Variants in CAB39 observed in about 807,000 individuals in gnomAD.
The protein encoded by CAB39 is calcium-binding protein 39.
Under a neutral mutation model 40.0 loss-of-function variants are expected in CAB39, and 8 were observed. That is an observed-to-expected ratio of 0.20 (90% CI 0.12 to 0.36). The LOEUF (loss-of-function observed/expected upper bound fraction) is 0.36, where lower values mean the gene tolerates loss of function less well. Ranked by LOEUF, CAB39 falls within the 10% of genes least tolerant of loss-of-function variation. The pLI is 1.00. For missense variants in CAB39, 270 were observed against 401.1 expected (o/e 0.67, Z 2.79); for synonymous variants, 156 against 141.6 (o/e 1.10, Z -0.72).
At chr2:230,790,784 G>C in intron 2 of CAB39, 88 bp from the exon 3 acceptor site, 1 of 1,088,284 alleles carries the variant, frequency 9.2e-7, no homozygotes, top group East Asian at 2.4e-5. Flanking sequence ...GTAATATAGA[G>C]AGGTGATTTG....
intron 5 of CAB39, among the ~76,000 whole-genome samples, chr2:230,807,216 C>G (rs1228981253): frequency 3.9e-5 from 6 of 152,026 alleles, no homozygotes; most frequent in South Asian, 2.1e-4. Flanking sequence ...CACACACCCC[C>G]CTCCCACCCA....
intron 1 of CAB39, among the ~76,000 whole-genome samples, chr2:230,755,960 T>C (rs1254492433): frequency 1.3e-5 from 2 of 152,216 alleles, no homozygotes; most frequent in African/African-American, 2.4e-5. Flanking sequence ...CATGTGCCCA[T>C]GTGCTGCACA....
chr2:230,780,226 G>A (rs1000617494), intron 2 of CAB39, among the ~76,000 whole-genome samples: 21 of 152,234 alleles, frequency 1.4e-4, no homozygotes, highest in African/African-American at 4.8e-4. Flanking sequence ...GTGAAGAAAA[G>A]GCAAAAAGAT....
intron 8 of CAB39, chr2:230,818,122 A>G (rs914455297): frequency 1.4e-5 from 7 of 503,522 alleles, no homozygotes; most frequent in Admixed American, 1.2e-4. Context: ...GAAGAGTGTC[A>G]TTTATCTTTG....
intron 3 of CAB39, among the ~76,000 whole-genome samples, chr2:230,792,800 A>G (rs1410961771): frequency 2.0e-5 from 3 of 152,136 alleles, no homozygotes; most frequent in Non-Finnish European, 4.4e-5. Flanking sequence ...TCCTTCCATC[A>G]CTATGAAAGG....
At chr2:230,793,495 C>T (rs1254757520) in intron 4 of CAB39, among the ~76,000 whole-genome samples, 164 bp downstream of exon 4, 2 of 152,088 alleles carry the variant, frequency 1.3e-5, no homozygotes, top group East Asian at 3.8e-4. Context: ...AACTTGTGAG[C>T]TAAATTGAAT....
chr2:230,792,245 A>G (rs73995150), intron 3 of CAB39, among the ~76,000 whole-genome samples: 6,114 of 152,320 alleles, frequency 0.04, 425 homozygotes, highest in African/African-American at 0.14. Context: ...TTGGGGATGT[A>G]GTGGAACATC....
chr2:230,715,552 C>A (rs900599194), intron 1 of CAB39, among the ~76,000 whole-genome samples: 3 of 152,274 alleles, frequency 2.0e-5, no homozygotes, highest in Admixed American at 6.5e-5. Flanking sequence ...CTCCCCACTT[C>A]GCTCCTGAAA....
At chr2:230,780,353 A>G (rs980985196) in intron 2 of CAB39, among the ~76,000 whole-genome samples, 10 of 152,198 alleles carry the variant, frequency 6.6e-5, no homozygotes, top group African/African-American at 2.4e-4. Flanking sequence ...AAAAAATAAC[A>G]TTGGTATAAT....
At chr2:230,803,491 G>A (rs1696130092) in intron 5 of CAB39, among the ~76,000 whole-genome samples, 1 of 152,170 alleles carries the variant, frequency 6.6e-6, no homozygotes, top group African/African-American at 2.4e-5. Flanking sequence ...TGACATGATT[G>A]TATATTTAGA....
chr2:230,770,115 G>T (rs554997414), intron 2 of CAB39, among the ~76,000 whole-genome samples: 1 of 151,344 alleles, frequency 6.6e-6, no homozygotes, highest in South Asian at 2.1e-4. Context: ...TTAAAAACTA[G>T]AAAAACAAGA....
Position 230,803,537 on chromosome 2 carries a change from T to C in CAB39, c.567+4640T>C, listed in dbSNP as rs1696131043. 2.0e-5 allele frequency among the ~76,000 whole-genome samples: 3 copies of C among 152,224 alleles called. No homozygotes were observed. In the South Asian group the frequency reaches 6.2e-4, roughly 31 times the overall value. Reference sequence around the variant, plus strand: ...ATCTCAGCCCAAAATCTCCTTAAGCTGATAAGCAACTTCAGCAAAGTCTCA... The same window carrying C: ...ATCTCAGCCCAAAATCTCCTTAAGCCGATAAGCAACTTCAGCAAAGTCTCA... On this transcript the variant is annotated intron_variant, in intron 5 of 8. Coordinates refer to ENST00000258418, the MANE Select transcript of CAB39 (RefSeq NM_016289.4).
intron 2 of CAB39, among the ~76,000 whole-genome samples, chr2:230,770,714 G>A (rs1315711120): frequency 6.6e-6 from 1 of 152,118 alleles, no homozygotes; most frequent in African/African-American, 2.4e-5. Flanking sequence ...TTGAATAGTA[G>A]ACCAAGTGGG....
At position 230,741,386 on chromosome 2, in the gene CAB39, G is replaced by C. The variant is rs774979409; in HGVS notation, c.-43-18573G>C. 3.3e-5 allele frequency among the ~76,000 whole-genome samples: 5 copies of C among 152,306 alleles called. No homozygotes were observed. In the East Asian group the frequency reaches 9.6e-4, roughly 29 times the overall value. Reference sequence around the variant, plus strand: ...GACACAAGGATACAGGTCTACTTCAGAATATTCCTACCTGATACCCATGGA... The same window carrying C: ...GACACAAGGATACAGGTCTACTTCACAATATTCCTACCTGATACCCATGGA... On this transcript the variant is annotated intron_variant, in intron 1 of 8. Transcript: ENST00000258418.
At chr2:230,721,835 C>A (rs1223434758) in intron 1 of CAB39, among the ~76,000 whole-genome samples, 1 of 152,166 alleles carries the variant, frequency 6.6e-6, no homozygotes, top group Non-Finnish European at 1.5e-5. Context: ...ATATTTCCTT[C>A]CTTCAAGTTT....
At chr2:230,724,662 C>A (rs369343325) in intron 1 of CAB39, among the ~76,000 whole-genome samples, 1 of 80,802 alleles carries the variant, frequency 1.2e-5, no homozygotes, top group African/African-American at 5.1e-5. Context: ...GCCTGGGCAA[C>A]AAAGAGTGAA....
rs898041999 is a variant in CAB39 at position 230,819,744 on chromosome 2, C to T, written c.*1040C>T. On this transcript the variant is annotated 3_prime_UTR_variant, in exon 9 of 9. Coordinates refer to ENST00000258418, the MANE Select transcript of CAB39 (RefSeq NM_016289.4). ...AATAAGCTGCGATACAGCCCTGGAGCTCAGTCAGCCACACCTTCCTGCATC... is the reference window on the plus strand; with the variant it reads ...AATAAGCTGCGATACAGCCCTGGAGTTCAGTCAGCCACACCTTCCTGCATC... 2.0e-5 allele frequency: 3 copies of T among 152,250 alleles called. No homozygotes were observed. Among genetic ancestry groups the T allele is most frequent in the Admixed American group, 2.0e-4 (3 of 15,278 alleles). The allele number at this position is 152,250 out of a possible 1,614,324, so 9.4% of individuals were successfully genotyped here. A position where few individuals can be genotyped will look rare whatever the true frequency, so the allele number is the denominator to read the frequency against.
intron 1 of CAB39, among the ~76,000 whole-genome samples, chr2:230,719,394 T>G (rs1240473985): frequency 1.3e-5 from 2 of 152,224 alleles, no homozygotes; most frequent in African/African-American, 4.8e-5. Flanking sequence ...TTATTTTCCT[T>G]GCTGAGCAGT....
intron 1 of CAB39, among the ~76,000 whole-genome samples, chr2:230,726,873 G>T (rs1230923384): frequency 6.8e-6 from 1 of 148,038 alleles, no homozygotes; most frequent in Non-Finnish European, 1.5e-5. Flanking sequence ...GGAAGCTCCC[G>T]GACTTTTTAA....
Sources: allele counts gnomAD v4.1 joint callset (sites outside exome capture counted in the v4.1 genomes callset), GRCh38; gene constraint gnomAD v4.1.1; transcripts MANE v1.5; gene names NCBI Gene and HGNC (gene_info 2026-07-23, HGNC 2026-07-21).